Variants in NOMO1 observed in about 807,000 individuals in gnomAD.
NOMO1 encodes the protein NODAL modulator 1, also known as nodal modulator 3.
Under a neutral mutation model 133.8 loss-of-function variants are expected in NOMO1, and 40 were observed. The observed-to-expected ratio is 0.30, with a 90% CI of 0.23 to 0.39. The LOEUF (loss-of-function observed/expected upper bound fraction) is 0.39. Among genes scored for constraint, NOMO1 ranks in the 10% least tolerant of loss-of-function variants. The probability of loss-of-function intolerance (pLI) is 1.00; values close to 1 mark genes in which losing one functional copy is unlikely to be tolerated. For missense variants in NOMO1, 462 were observed against 1,419.9 expected (o/e 0.33, Z 10.84); for synonymous variants, 236 against 570.5 (o/e 0.41, Z 8.36).
chr16:14,885,188 C>T (rs1171133710), intron 27 of NOMO1, among the ~76,000 whole-genome samples: 6 of 152,060 alleles, frequency 3.9e-5, no homozygotes, highest in African/African-American at 1.2e-4. Flanking sequence ...ACCTCCGGCA[C>T]GGGGGATTAC....
intron 11 of NOMO1, 50 bp downstream of exon 11, chr16:14,857,705 A>G (rs747764564): frequency 6.2e-7 from 1 of 1,612,924 alleles, no homozygotes; most frequent in South Asian, 1.1e-5. Context: ...GCTGGCAGCC[A>G]GTGTAGAACC....
rs201468458 is a variant in NOMO1, at chr16:14,895,552, G to C, written c.3576G>C (p.Gln1192His). The C allele has an allele frequency of 3.6e-5, 58 of 1,611,996 alleles. No individual in the cohort carries two copies. In the East Asian group the frequency reaches 1.3e-3, roughly 35 times the overall value. ...TGCTGCAGTTGACAAGCCGGCTACAGGGAGTCCGCGCGCTCGGCCAGGCAG... is the reference window on the plus strand; with the variant it reads ...TGCTGCAGTTGACAAGCCGGCTACACGGAGTCCGCGCGCTCGGCCAGGCAG... Reference protein sequence around the residue: ...PLLLQLTSRLQGVRALGQAAS... With the variant: ...PLLLQLTSRLHGVRALGQAAS... The change falls in exon 31 of 31, where the codon CAG (glutamine) becomes CAC (histidine). Residue 1192 changes from glutamine to histidine, a missense_variant. Gln to His is a conservative substitution (Grantham distance 24). Coordinates refer to ENST00000287667, the MANE Select transcript of NOMO1 (RefSeq NM_014287.4).
At chr16:14,846,014 T>G (rs1372808297) in intron 4 of NOMO1, among the ~76,000 whole-genome samples, 2 of 146,278 alleles carry the variant, frequency 1.4e-5, no homozygotes, top group Non-Finnish European at 3.0e-5. Flanking sequence ...TTTATTTTTA[T>G]GTACATTTAC....
intron 11 of NOMO1, among the ~76,000 whole-genome samples, chr16:14,859,440 G>T (rs1017118147): frequency 3.3e-5 from 5 of 151,962 alleles, no homozygotes; most frequent in African/African-American, 1.2e-4. Flanking sequence ...ACTGAAAAAT[G>T]CTTCATACCT....
In NOMO1 at chr16:14,876,382, G is replaced by A. The variant is rs759386092; in HGVS notation, c.2380G>A (p.Glu794Lys). Reference protein sequence around the residue: ...SGESCPGKLIEIHGKAGLFLE... With the variant: ...SGESCPGKLIKIHGKAGLFLE... ...AGAAAGCTGCCCAGGGAAGCTGATCGAGATCCATGGGAAGGCAGGCCTGTT... is the reference window on the plus strand; with the variant it reads ...AGAAAGCTGCCCAGGGAAGCTGATCAAGATCCATGGGAAGGCAGGCCTGTT... The change falls in exon 21 of 31, where the codon GAG (glutamate) becomes AAG (lysine). Residue 794 changes from glutamate to lysine, a missense_variant. By Grantham distance (56) the Glu-to-Lys change is moderately conservative. Transcript: ENST00000287667. 189 of 1,611,098 alleles carry A rather than the reference G, an allele frequency of 1.2e-4. 3 individuals carry two copies. The East Asian group carries it at 4.1e-3, about 35-fold the overall frequency.
At chr16:14,875,956 C>T (rs1480589677) in intron 20 of NOMO1, among the ~76,000 whole-genome samples, 1 of 150,144 alleles carries the variant, frequency 6.7e-6, no homozygotes, top group Non-Finnish European at 1.5e-5. Context: ...TGTTTGGAAG[C>T]AGAGGGTGTT....
intron 17 of NOMO1, 142 bp from the exon 18 acceptor site, chr16:14,872,091 TG>T: frequency 1.2e-6 from 1 of 841,382 alleles, no homozygotes; most frequent in Non-Finnish European, 2.0e-6. Flanking sequence ...AATACTTCTC[TG>T]GATCTCCAGA....
chr16:14,878,948 T>A, intron 23 of NOMO1, 114 bp downstream of exon 23: 2 of 1,391,072 alleles, frequency 1.4e-6, no homozygotes, highest in Non-Finnish European at 2.0e-6. Context: ...CAATGTGGAG[T>A]GGTTTCAGTT....
intron 2 of NOMO1, among the ~76,000 whole-genome samples, chr16:14,840,697 C>T (rs1218085881): frequency 4.0e-5 from 6 of 149,368 alleles, no homozygotes; most frequent in Non-Finnish European, 5.9e-5. Context: ...GATCTCCCTC[C>T]GCTGCCCATG....
intron 1 of NOMO1, among the ~76,000 whole-genome samples, chr16:14,834,728 T>G (rs557470416): frequency 0.012 from 1,772 of 144,470 alleles, 91 homozygotes; most frequent in Admixed American, 0.082. Flanking sequence ...AAAGTCCTGT[T>G]AAATGTTTAT....
In NOMO1 at chr16:14,866,976, T is replaced by G. The variant is rs530070068; in HGVS notation, c.1806+285T>G. 2.0e-5 allele frequency among the ~76,000 whole-genome samples: 3 copies of G among 148,244 alleles called. No individual in the cohort carries two copies. The South Asian group carries it at 6.4e-4, about 32-fold the overall frequency. ...TGCAGAGCACACTGGCTTTATATTA[T>G]TAGTAATAATAGCTTTGGGTAAATT... On this transcript the variant is annotated intron_variant, in intron 15 of 30. Coordinates refer to ENST00000287667, the MANE Select transcript of NOMO1 (RefSeq NM_014287.4).
chr16:14,893,212 C>G (rs1209630767), intron 29 of NOMO1, among the ~76,000 whole-genome samples: 1 of 151,624 alleles, frequency 6.6e-6, no homozygotes, highest in Non-Finnish European at 1.5e-5. Flanking sequence ...TTATTTTTTT[C>G]TGAGACAGAG....
At chr16:14,836,838 T>C (rs1963521260) in intron 1 of NOMO1, among the ~76,000 whole-genome samples, 1 of 151,128 alleles carries the variant, frequency 6.6e-6, no homozygotes, top group African/African-American at 2.4e-5. Context: ...CCCGAGTAGC[T>C]GGGACTACAG....
chr16:14,873,888 C>T (rs1567545099), intron 18 of NOMO1, among the ~76,000 whole-genome samples: 2 of 151,656 alleles, frequency 1.3e-5, no homozygotes, highest in African/African-American at 2.4e-5. Flanking sequence ...GATATGGCAG[C>T]TCCCGCTTTC....
At chr16:14,867,994 A>G (rs1340617938) in intron 15 of NOMO1, among the ~76,000 whole-genome samples, 10 of 88,906 alleles carry the variant, frequency 1.1e-4, no homozygotes, top group African/African-American at 4.2e-4. Flanking sequence ...CTGCAGTCCC[A>G]CACCAAGCTC....
chr16:14,846,535 G>A (rs759948292), intron 4 of NOMO1, 42 bp from the exon 5 acceptor site: 11 of 633,342 alleles, frequency 1.7e-5, no homozygotes, highest in Non-Finnish European at 3.0e-5. Flanking sequence ...TTGAGAGGAG[G>A]GTGCTTTGCT....
Position 14,852,543 on chromosome 16 carries a change from CG to C in NOMO1, c.697del (p.Val233Ter). ...VRSDGEPMKG[V>X]KFLLFSSLVT... ...GAAGTGATGGGGAGCCCATGAAAGG[CG>C]TGAAGTTTCTTCTCTTTTCTTCTTT... On this transcript the variant is annotated frameshift_variant, in exon 7 of 31. Transcript: ENST00000287667. LOFTEE classifies it high-confidence loss of function. 1 of 1,492,176 alleles carries C rather than the reference CG, an allele frequency of 6.7e-7. No individual in the cohort carries two copies. The allele number at this position is 1,492,176 out of a possible 1,614,324, so 92.4% of individuals were successfully genotyped here.
intron 11 of NOMO1, among the ~76,000 whole-genome samples, chr16:14,860,572 G>T (rs1419731708): frequency 6.6e-6 from 1 of 151,880 alleles, no homozygotes; most frequent in African/African-American, 2.4e-5. Flanking sequence ...GGCAGGCGAG[G>T]GAGCGAGGAG....
chr16:14,896,038 T>C lies in NOMO1; in HGVS notation c.*393T>C, dbSNP rs745404937. 1.2e-6 allele frequency: 2 copies of C among 1,612,004 alleles called. No individual in the cohort carries two copies. The highest frequency in any genetic ancestry group is 3.3e-5 in the Admixed American group (2 of 60,006). ...GTTCCATGGCGGGGTACCCTAGGGA[T>C]TCATCTGTTTTCTTCACTTCCCTTT... On this transcript the variant is annotated 3_prime_UTR_variant, in exon 31 of 31. Transcript: ENST00000287667.
Sources: gnomAD v4.1 joint callset for allele counts (sites outside exome capture counted in the v4.1 genomes callset) on GRCh38, gnomAD v4.1.1 for gene constraint, MANE v1.5 for transcripts, NCBI Gene and HGNC (gene_info 2026-07-23, HGNC 2026-07-21) for gene names.